The following LRRC37A2 variants were observed in gnomAD, a reference collection of about 807,000 sequenced individuals.
LRRC37A2 encodes leucine-rich repeat-containing protein 37A2.
A neutral mutation model predicts 68.8 loss-of-function variants in LRRC37A2; 9 were observed. The observed-to-expected ratio is 0.13, with a 90% confidence interval of 0.08 to 0.23. The LOEUF (loss-of-function observed/expected upper bound fraction) is 0.23, where lower values mean the gene tolerates loss of function less well. Ranked by LOEUF, LRRC37A2 falls within the 10% of genes least tolerant of loss-of-function variation. The probability of loss-of-function intolerance (pLI) is 1.00; values close to 1 mark genes in which losing one functional copy is unlikely to be tolerated. For missense variants in LRRC37A2, 168 were observed against 950.4 expected (o/e 0.18, Z 10.82); for synonymous variants, 63 against 367.6 (o/e 0.17, Z 9.48).
At chr17:46,761,318 TG>T in the LRRC37A2 span, among the ~76,000 whole-genome samples, 2 of 144,432 alleles carry the variant, frequency 1.4e-5, no homozygotes, top group African/African-American at 2.8e-5. Flanking sequence ...TTTATTTTCC[TG>T]GTTTTTTTTT....
At chr17:46,962,067 C>A in the LRRC37A2 span, among the ~76,000 whole-genome samples, 2 of 152,194 alleles carry the variant, frequency 1.3e-5, no homozygotes, top group East Asian at 1.9e-4. Context: ...CACAGTGGCT[C>A]ATGCCTGTAA....
the LRRC37A2 span, among the ~76,000 whole-genome samples, chr17:46,823,143 TA>T: frequency 7.7e-6 from 1 of 130,094 alleles, no homozygotes; most frequent in African/African-American, 3.0e-5. Context: ...TATATTATAT[TA>T]TATATATTTA....
chr17:46,973,140 A>C, the LRRC37A2 span: 1 of 153,308 alleles, frequency 6.5e-6, no homozygotes, highest in Admixed American at 6.6e-5. Context: ...ACATGTGTAC[A>C]CGTATACCTT....
At chr17:46,923,300 G>C in the LRRC37A2 span, 8 of 1,548,056 alleles carry the variant, frequency 5.2e-6, no homozygotes, top group East Asian at 2.0e-4. Flanking sequence ...TGAGGCCTCG[G>C]ACGTCAGCCA....
At chr17:46,755,428 G>T in the LRRC37A2 span, 2 of 1,341,040 alleles carry the variant, frequency 1.5e-6, no homozygotes, top group Non-Finnish European at 2.1e-6. Flanking sequence ...TTAAATCCCT[G>T]TGCCTATTCT....
the LRRC37A2 span, among the ~76,000 whole-genome samples, chr17:47,000,103 AAAT>A: frequency 5.7e-5 from 8 of 140,266 alleles, no homozygotes; most frequent in Admixed American, 7.7e-5. Context: ...AAATAAAATA[AAAT>A]AAAATAAAAT....
the LRRC37A2 span, among the ~76,000 whole-genome samples, chr17:46,789,213 C>T: frequency 6.6e-6 from 1 of 152,210 alleles, no homozygotes; most frequent in Admixed American, 6.5e-5. Flanking sequence ...AGGCCACCCT[C>T]CCTGCCTCAC....
chr17:46,876,520 G>A, the LRRC37A2 span: 10 of 1,613,492 alleles, frequency 6.2e-6, no homozygotes, highest in Non-Finnish European at 8.5e-6. Flanking sequence ...GCTTCTGCCG[G>A]CCCAGCAAGT....
chr17:46,807,992 A>C, the LRRC37A2 span, among the ~76,000 whole-genome samples: 1 of 152,258 alleles, frequency 6.6e-6, no homozygotes, highest in African/African-American at 2.4e-5. Flanking sequence ...CAAGAATTGG[A>C]CTAGGGCAAG....
At chr17:46,893,191 C>A in the LRRC37A2 span, among the ~76,000 whole-genome samples, 2 of 152,174 alleles carry the variant, frequency 1.3e-5, no homozygotes, top group Non-Finnish European at 2.9e-5. Flanking sequence ...GCCTCGGCCT[C>A]CCAAAGTGCT....
the LRRC37A2 span, chr17:46,930,871 A>C: frequency 2.1e-6 from 1 of 487,746 alleles, no homozygotes; most frequent in Non-Finnish European, 3.7e-6. Flanking sequence ...TTTTTTAAAA[A>C]ATTGGCATTG....
At chr17:46,403,721 T>C in the LRRC37A2 span, among the ~76,000 whole-genome samples, 1 of 96,370 alleles carries the variant, frequency 1.0e-5, no homozygotes, top group Admixed American at 1.0e-4. Flanking sequence ...TTTTTTGAGA[T>C]AGGGTCTCGC....
the LRRC37A2 span, among the ~76,000 whole-genome samples, chr17:46,816,660 G>T: frequency 1.3e-5 from 2 of 152,112 alleles, no homozygotes; most frequent in African/African-American, 4.8e-5. Flanking sequence ...TCCCTATCTA[G>T]ATGGTCCCCA....
chr17:46,876,377 G>T, the LRRC37A2 span: 1 of 1,614,002 alleles, frequency 6.2e-7, no homozygotes, highest in Non-Finnish European at 8.5e-7. Context: ...CTATGACTCG[G>T]CTGTCAAGGT....
the LRRC37A2 span, among the ~76,000 whole-genome samples, chr17:46,737,333 A>G: frequency 1.3e-5 from 2 of 152,210 alleles, no homozygotes; most frequent in African/African-American, 4.8e-5. Flanking sequence ...ATAGGAATAT[A>G]GGATACTTAG....
chr17:46,583,278 TTTTA>T, the LRRC37A2 span, among the ~76,000 whole-genome samples: 4 of 74,664 alleles, frequency 5.4e-5, no homozygotes, highest in Admixed American at 1.4e-4. Context: ...GGATTTAAGA[TTTTA>T]TTTATTTATT....
intron 7 of LRRC37A2, among the ~76,000 whole-genome samples, chr17:46,540,480 C>T (rs1467444699): frequency 1.4e-5 from 2 of 147,828 alleles, no homozygotes; most frequent in Non-Finnish European, 1.5e-5. Flanking sequence ...AACATGTAGA[C>T]ACATGGAGGA....
the LRRC37A2 span, among the ~76,000 whole-genome samples, chr17:46,747,920 T>C: frequency 5.9e-5 from 9 of 152,078 alleles, no homozygotes; most frequent in East Asian, 1.7e-3. Context: ...GCCAGCAAAA[T>C]GAGTATAGAA....
the LRRC37A2 span, among the ~76,000 whole-genome samples, chr17:47,048,047 C>CTTT: frequency 7.1e-3 from 967 of 136,390 alleles, 9 homozygotes; most frequent in South Asian, 0.046. Flanking sequence ...TTTTTCAAAA[C>CTTT]TTTTTTTTTT....
Sources: allele counts gnomAD v4.1 joint callset (sites outside exome capture counted in the v4.1 genomes callset), GRCh38; gene constraint gnomAD v4.1.1; transcripts MANE v1.5; gene names NCBI Gene and HGNC (gene_info 2026-07-23, HGNC 2026-07-21).